PHACTR3: variants seen among roughly 807,000 people sequenced by gnomAD.
PHACTR3 encodes the protein protein phosphatase 1, regulatory subunit 123.
A neutral mutation model predicts 66.8 loss-of-function variants in PHACTR3; 16 were observed. That is an observed-to-expected ratio of 0.24 (90% confidence interval 0.16 to 0.36). The LOEUF (loss-of-function observed/expected upper bound fraction) is 0.36. Among genes scored for constraint, PHACTR3 ranks in the 10% least tolerant of loss-of-function variants. The pLI is 1.00. For missense variants in PHACTR3, 647 were observed against 719.9 expected (o/e 0.90, Z 1.16); for synonymous variants, 323 against 292.1 (o/e 1.11, Z -1.08).
chr20:59,633,198 A>G (rs1296060007), intron 1 of PHACTR3, among the ~76,000 whole-genome samples: 2 of 152,226 alleles, frequency 1.3e-5, no homozygotes, highest in Admixed American at 6.5e-5. Context: ...AGACATATGC[A>G]TACGTGTGTT....
intron 1 of PHACTR3, among the ~76,000 whole-genome samples, chr20:59,580,909 G>A (rs191930865): frequency 1.4e-4 from 21 of 152,340 alleles, no homozygotes; most frequent in African/African-American, 3.1e-4. Context: ...GAAACTGGGC[G>A]TCTGTAGCTC....
At chr20:59,751,583 C>T (rs2039584916) in intron 3 of PHACTR3, among the ~76,000 whole-genome samples, 1 of 152,164 alleles carries the variant, frequency 6.6e-6, no homozygotes, top group Non-Finnish European at 1.5e-5. Context: ...GAGAGCCCGC[C>T]AGCTCCCGGG....
intron 1 of PHACTR3, among the ~76,000 whole-genome samples, chr20:59,691,667 A>C (rs1466846606): frequency 6.6e-6 from 1 of 151,924 alleles, no homozygotes; most frequent in African/African-American, 2.4e-5. Context: ...CTTATTTGCT[A>C]TATGTCTTTT....
chr20:59,757,719 A>G (rs1167331151), intron 4 of PHACTR3, among the ~76,000 whole-genome samples: 3 of 152,238 alleles, frequency 2.0e-5, no homozygotes, highest in Non-Finnish European at 4.4e-5. Context: ...TGGGAAGCCA[A>G]GACAGGAGAA....
chr20:59,808,833 G>A (rs905143081), intron 8 of PHACTR3, among the ~76,000 whole-genome samples: 4 of 152,208 alleles, frequency 2.6e-5, no homozygotes, highest in Non-Finnish European at 5.9e-5. Flanking sequence ...CCCCAGCCAG[G>A]GAACCATTGA....
At chr20:59,771,533 T>TC (rs1167557833) in intron 5 of PHACTR3, among the ~76,000 whole-genome samples, 2 of 149,088 alleles carry the variant, frequency 1.3e-5, no homozygotes, top group Admixed American at 1.3e-4. Context: ...AGCTACCACC[T>TC]CCCCCCGACC....
At chr20:59,839,134 T>C (rs1008938963) in intron 9 of PHACTR3, among the ~76,000 whole-genome samples, 3 of 152,162 alleles carry the variant, frequency 2.0e-5, no homozygotes, top group Non-Finnish European at 4.4e-5. Flanking sequence ...ATCTGAAACA[T>C]TTTACGTCAC....
chr20:59,810,376 T>C (rs1405915209), intron 8 of PHACTR3, among the ~76,000 whole-genome samples: 2 of 152,366 alleles, frequency 1.3e-5, no homozygotes, highest in African/African-American at 2.4e-5. Context: ...TTTGTCACCA[T>C]GTTTAAAAAC....
chr20:59,649,291 G>A (rs2035384727), intron 1 of PHACTR3, among the ~76,000 whole-genome samples: 1 of 152,198 alleles, frequency 6.6e-6, no homozygotes, highest in Non-Finnish European at 1.5e-5. Context: ...TGATGCTTAT[G>A]GAGATTCCAG....
In PHACTR3 at chr20:59,825,988, G is replaced by A. The variant is rs2042180611; in HGVS notation, c.1329-10517G>A. On this transcript the variant is annotated intron_variant, in intron 8 of 12. Coordinates refer to ENST00000371015, the MANE Select transcript of PHACTR3 (RefSeq NM_080672.5). ...ACACAGTGAGAAGATGCTGTCTCTG[G>A]GAAAGTGGGTCCTCCCCGGATGCCG... Among the ~76,000 whole-genome samples, 4 of 152,258 alleles carry A rather than the reference G, an allele frequency of 2.6e-5. No individual in the cohort carries two copies. In the South Asian group the frequency reaches 8.3e-4, roughly 32 times the overall value.
At chr20:59,705,300 C>T (rs751750096) in intron 1 of PHACTR3, among the ~76,000 whole-genome samples, 13 of 152,134 alleles carry the variant, frequency 8.5e-5, no homozygotes, top group Non-Finnish European at 1.2e-4. Context: ...TAAGTTTAAA[C>T]GTTATGGTTT....
intron 1 of PHACTR3, among the ~76,000 whole-genome samples, chr20:59,578,917 A>T (rs988167587): frequency 3.9e-5 from 6 of 152,148 alleles, no homozygotes; most frequent in African/African-American, 1.4e-4. Flanking sequence ...GCCCCTACTG[A>T]GCGCCAGTCC....
At chr20:59,627,540 G>T (rs1235969832) in intron 1 of PHACTR3, among the ~76,000 whole-genome samples, 1 of 152,180 alleles carries the variant, frequency 6.6e-6, no homozygotes, top group Admixed American at 6.5e-5. Context: ...GCAAATCAAT[G>T]CTCTGTTCAG....
chr20:59,714,960 A>G (rs920170689), intron 1 of PHACTR3, among the ~76,000 whole-genome samples: 1 of 152,168 alleles, frequency 6.6e-6, no homozygotes, highest in Non-Finnish European at 1.5e-5. Context: ...GTTTAAATAT[A>G]ATTTTCTAAT....
rs570705192 is a variant in PHACTR3, at chr20:59,672,661, C to T, written c.118+67529C>T. Among the ~76,000 whole-genome samples, 6 of 152,302 alleles carry T rather than the reference C, an allele frequency of 3.9e-5. No individual in the cohort carries two copies. The South Asian group carries it at 8.3e-4, about 21-fold the overall frequency. ...GAACCTGATAAACGTGCGTGAGCAG[C>T]GCCATCCTGACTCAGCGGTGTGGTT... On this transcript the variant is annotated intron_variant, in intron 1 of 12. Transcript: ENST00000371015.
intron 1 of PHACTR3, among the ~76,000 whole-genome samples, chr20:59,682,726 C>G (rs1035800719): frequency 6.6e-6 from 1 of 152,152 alleles, no homozygotes; most frequent in Non-Finnish European, 1.5e-5. Flanking sequence ...GAGGCAAGAG[C>G]CTTTGGGGCA....
chr20:59,803,667 C>T (rs1486401362), intron 7 of PHACTR3, among the ~76,000 whole-genome samples: 3 of 152,146 alleles, frequency 2.0e-5, no homozygotes, highest in Admixed American at 2.0e-4. Context: ...TTAATAGGTA[C>T]ACAATATTCA....
chr20:59,769,578 C>T (rs981043577), intron 5 of PHACTR3, among the ~76,000 whole-genome samples: 2 of 152,308 alleles, frequency 1.3e-5, no homozygotes. Context: ...GCCCAAGGAG[C>T]CATACACGCC....
At chr20:59,591,714 G>A (rs889389845) in intron 1 of PHACTR3, among the ~76,000 whole-genome samples, 8 of 152,098 alleles carry the variant, frequency 5.3e-5, no homozygotes, top group African/African-American at 1.7e-4. Context: ...CAGACCCTTC[G>A]CCCATGGCCT....
Sources: allele counts gnomAD v4.1 joint callset (sites outside exome capture counted in the v4.1 genomes callset), GRCh38; gene constraint gnomAD v4.1.1; transcripts MANE v1.5; gene names NCBI Gene and HGNC (gene_info 2026-07-23, HGNC 2026-07-21).